Variants in SCN2A observed in about 807,000 individuals in gnomAD.
SCN2A encodes sodium channel protein type 2 subunit alpha.
SCN2A carries 20 observed loss-of-function variants against 188.7 expected under a neutral mutation model. That is an observed-to-expected ratio of 0.11 (90% CI 0.07 to 0.15). SCN2A has a LOEUF of 0.15. Among genes scored for constraint, SCN2A ranks in the 10% least tolerant of loss-of-function variants. SCN2A has a pLI of 1.00. For missense variants in SCN2A, 1,278 were observed against 2,445.0 expected (o/e 0.52, Z 10.07); for synonymous variants, 804 against 833.1 (o/e 0.97, Z 0.60).
At position 165,350,456 on chromosome 2, in the gene SCN2A, TTTTC is replaced by T. The variant is rs1218117090; in HGVS notation, c.2920-3728_2920-3725del. Among the ~76,000 whole-genome samples, 40 of 117,854 alleles carry T rather than the reference TTTTC, an allele frequency of 3.4e-4. 2 individuals are homozygous for T. The highest frequency in any genetic ancestry group is 2.3e-3 in the East Asian group (9 of 3,844). 77.3% of individuals were successfully genotyped at this position (117,854 alleles called of 152,430 possible). ...GTCCCTGAGTGAGCTTGCTGAACTGTTTTCTTTCTTTTTTTTTTTTTTTTTTTTT... is the reference window on the plus strand; with the variant it reads ...GTCCCTGAGTGAGCTTGCTGAACTGTTTTCTTTTTTTTTTTTTTTTTTTTT... On this transcript the variant is annotated intron_variant, in intron 16 of 26. Coordinates refer to ENST00000375437, the MANE Select transcript of SCN2A (RefSeq NM_001040142.2).
intron 16 of SCN2A, among the ~76,000 whole-genome samples, chr2:165,345,342 T>G (rs141911766): frequency 1.3e-5 from 2 of 152,228 alleles, no homozygotes; most frequent in Non-Finnish European, 2.9e-5. Flanking sequence ...AACTATGGTA[T>G]GAGCAAGTAA....
intron 16 of SCN2A, among the ~76,000 whole-genome samples, chr2:165,349,208 G>C (rs1699760839): frequency 6.6e-6 from 1 of 152,296 alleles, no homozygotes; most frequent in Admixed American, 6.5e-5. Context: ...GCAGAGAACA[G>C]AATCCTTTAT....
chr2:165,323,796 A>G (rs1698192533), intron 12 of SCN2A, among the ~76,000 whole-genome samples: 1 of 152,256 alleles, frequency 6.6e-6, no homozygotes, highest in African/African-American at 2.4e-5. Context: ...ATAATGTTTG[A>G]TTAATATAGT....
intron 1 of SCN2A, among the ~76,000 whole-genome samples, chr2:165,256,736 T>C (rs1368250666): frequency 6.6e-6 from 1 of 152,224 alleles, no homozygotes; most frequent in African/African-American, 2.4e-5. Context: ...GAGTATATCC[T>C]AAAATTAAAA....
At chr2:165,373,410 C>T in intron 21 of SCN2A, 63 bp downstream of exon 21, 2 of 1,577,644 alleles carry the variant, frequency 1.3e-6, no homozygotes, top group South Asian at 2.2e-5. Context: ...CACTTTGTAC[C>T]ATGGAAATGT....
At chr2:165,294,292 T>C (rs1028985816) in intron 1 of SCN2A, among the ~76,000 whole-genome samples, 2 of 152,094 alleles carry the variant, frequency 1.3e-5, no homozygotes, top group Non-Finnish European at 2.9e-5. Context: ...AATCCAGGCA[T>C]GGCAGTTTCC....
intron 1 of SCN2A, among the ~76,000 whole-genome samples, chr2:165,287,576 A>G (rs974965258): frequency 2.6e-5 from 4 of 151,356 alleles, no homozygotes; most frequent in Non-Finnish European, 5.9e-5. Context: ...ACCAATTATT[A>G]TTTTAGACAG....
At chr2:165,381,224 G>A in intron 25 of SCN2A, 27 bp downstream of exon 25, 1 of 1,461,418 alleles carries the variant, frequency 6.8e-7, no homozygotes, top group Non-Finnish European at 9.4e-7. Context: ...TTCATTGCCT[G>A]TTAAAACTAT....
At chr2:165,342,097 A>G (rs1699349331) in intron 14 of SCN2A, among the ~76,000 whole-genome samples, 199 bp from the exon 15 acceptor site, 1 of 152,266 alleles carries the variant, frequency 6.6e-6, no homozygotes. Flanking sequence ...TGTACTCTTT[A>G]TCATTTGATA....
intron 1 of SCN2A, among the ~76,000 whole-genome samples, chr2:165,292,782 G>T (rs1340066603): frequency 6.6e-6 from 1 of 152,134 alleles, no homozygotes; most frequent in Non-Finnish European, 1.5e-5. Flanking sequence ...GATCTTAGGA[G>T]ACTTTTCCTA....
intron 17 of SCN2A, among the ~76,000 whole-genome samples, chr2:165,362,158 T>C (rs1700492245): frequency 6.6e-6 from 1 of 152,018 alleles, no homozygotes; most frequent in African/African-American, 2.4e-5. Context: ...AAATTAAGTC[T>C]GATGAGATGC....
At chr2:165,258,322 A>C (rs767559151) in intron 1 of SCN2A, among the ~76,000 whole-genome samples, 4 of 152,158 alleles carry the variant, frequency 2.6e-5, no homozygotes, top group Non-Finnish European at 5.9e-5. Context: ...TATTTAATCC[A>C]TCTTGAGTTT....
intron 3 of SCN2A, among the ~76,000 whole-genome samples, chr2:165,306,461 G>A (rs1574549203): frequency 6.6e-6 from 1 of 150,688 alleles, no homozygotes; most frequent in Non-Finnish European, 1.5e-5. Context: ...TTTTTTGTTT[G>A]TTATAGCAAT....
Position 165,380,607 on chromosome 2 carries a change from A to C in SCN2A, c.4324A>C (p.Lys1442Gln). The C allele has an allele frequency of 6.3e-7, 1 of 1,582,530 alleles. No homozygotes were observed. Among genetic ancestry groups the C allele is most frequent in the Non-Finnish European group, 8.7e-7 (1 of 1,152,448 alleles). Reference sequence around the variant, plus strand: ...TATTCTTTAGGTAGAATTACAACCCAAGTATGAAGACAACCTGTACATGTA... The same window carrying C: ...TATTCTTTAGGTAGAATTACAACCCCAGTATGAAGACAACCTGTACATGTA... The part of the protein sequence containing the change: ...VDSRNVELQP[K>Q]YEDNLYMYLY... Residue 1442 changes from lysine (K) to glutamine (Q), a missense_variant, in exon 24 of 27, where the codon AAG becomes CAG. By Grantham distance (53) the Lys-to-Gln change is moderately conservative. Coordinates refer to ENST00000375437, the MANE Select transcript of SCN2A (RefSeq NM_001040142.2).
chr2:165,278,337 T>C (rs1695433821), intron 1 of SCN2A, among the ~76,000 whole-genome samples: 1 of 152,136 alleles, frequency 6.6e-6, no homozygotes, highest in Admixed American at 6.5e-5. Context: ...TTGGCATGAC[T>C]GGGGAGGCGT....
intron 1 of SCN2A, among the ~76,000 whole-genome samples, chr2:165,278,548 A>C (rs1309159126): frequency 6.6e-6 from 1 of 152,156 alleles, no homozygotes; most frequent in Non-Finnish European, 1.5e-5. Context: ...CTCTCCCTTG[A>C]CACTCGGGGA....
chr2:165,292,905 T>C (rs1381328933), intron 1 of SCN2A, among the ~76,000 whole-genome samples: 1 of 152,244 alleles, frequency 6.6e-6, no homozygotes, highest in African/African-American at 2.4e-5. Context: ...GCCAAGTGAC[T>C]GGCACTTAGT....
chr2:165,282,067 G>A (rs1020991199), intron 1 of SCN2A, among the ~76,000 whole-genome samples: 1 of 152,154 alleles, frequency 6.6e-6, no homozygotes. Context: ...TGGGCTGCTG[G>A]TGGGAAGATG....
chr2:165,307,870 T>A lies in SCN2A; in HGVS notation c.409T>A (p.Cys137Ser). The change falls in exon 4 of 27, where the codon TGC (cysteine) becomes AGC (serine). Residue 137 changes from cysteine to serine, a missense_variant. Cys to Ser is a moderately radical substitution (Grantham distance 112, BLOSUM62 -1). Around this residue, in one of 17 missense-constraint regions of SCN2A, gnomAD observed 141 missense variants for 185.4 expected, o/e 0.76. Transcript: ENST00000375437. The stretch of plus-strand genomic sequence containing the variant: ...TACTTTATTCAATATGCTCATTATG[T>A]GCACGATTCTTACCAACTGTGTATT... ...VHSLFNMLIM[C>S]TILTNCVFMT... is the part of the protein sequence containing the mutation. 1 of 1,611,042 alleles carries A rather than the reference T, an allele frequency of 6.2e-7. No homozygotes were observed. The highest frequency in any genetic ancestry group is 2.2e-5 in the East Asian group (1 of 44,794).
Sources: allele counts gnomAD v4.1 joint callset (sites outside exome capture counted in the v4.1 genomes callset), GRCh38; gene constraint gnomAD v4.1.1; regional missense constraint gnomAD v4.1.1; transcripts MANE v1.5; gene names NCBI Gene and HGNC (gene_info 2026-07-23, HGNC 2026-07-21).